Variants in WNK2 observed in about 807,000 individuals in gnomAD.
WNK2 encodes the protein serine/threonine-protein kinase WNK2.
WNK2 carries 67 observed loss-of-function variants against 192.1 expected under a neutral mutation model. That is an observed-to-expected ratio of 0.35 (90% confidence interval 0.29 to 0.43). WNK2 has a LOEUF of 0.43. Ranked by LOEUF, WNK2 falls within the 20% of genes least tolerant of loss-of-function variation. The pLI, the probability that WNK2 is intolerant of heterozygous loss-of-function variation, is 1.00. For synonymous variants in WNK2, 1,439 were observed against 1,393.9 expected, an observed-to-expected ratio of 1.03 and a Z score of -0.72; for missense variants, 2,698 against 3,089.7, an observed-to-expected ratio of 0.87 and a Z score of 3.01.
chr9:93,262,777 C>T, intron 14 of WNK2, 58 bp downstream of exon 14: 1 of 1,576,250 alleles, frequency 6.3e-7, no homozygotes, highest in African/African-American at 1.3e-5. Flanking sequence ...GCCTGTACAG[C>T]CACTCAGCCT....
intron 2 of WNK2, among the ~76,000 whole-genome samples, chr9:93,205,268 T>C (rs543715169): frequency 5.9e-5 from 9 of 152,304 alleles, no homozygotes; most frequent in African/African-American, 2.2e-4. Context: ...GTTCAGGGCA[T>C]CTGTCAGCAC....
chr9:93,185,566 C>A lies in WNK2; in HGVS notation c.637C>A (p.Leu213Met). The change falls in exon 2 of 30, where the codon CTG becomes ATG. Residue 213 changes from leucine (L) to methionine (M), a missense_variant. This residue lies in a region of WNK2 where 230 missense variants were observed against 501.1 expected (regional missense o/e 0.46). Transcript: ENST00000427277. The stretch of plus-strand genomic sequence containing the variant: ...TTCCTTCAAGACGGTCTACAAGGGG[C>A]TGGACACGGAGACCTGGGTGGAGGT... ...RGSFKTVYKG[L>M]DTETWVEVAW... 6.2e-7 allele frequency: 1 copy of A among 1,612,830 alleles called. No homozygotes were observed. Among genetic ancestry groups the A allele is most frequent in the Admixed American group, 1.7e-5 (1 of 59,922 alleles).
chr9:93,262,226 C>T (rs1844394812), intron 13 of WNK2, 119 bp downstream of exon 13: 1 of 1,262,568 alleles, frequency 7.9e-7, no homozygotes, highest in Non-Finnish European at 1.1e-6. Context: ...GGGACAGCCA[C>T]CCAGGTTCTG....
intron 29 of WNK2, chr9:93,319,002 G>T: frequency 6.6e-7 from 1 of 1,511,578 alleles, no homozygotes; most frequent in South Asian, 1.3e-5. Flanking sequence ...TGATTATGCA[G>T]AATCTTCTGC....
chr9:93,219,378 G>A (rs1295857489), intron 2 of WNK2, among the ~76,000 whole-genome samples: 2 of 152,256 alleles, frequency 1.3e-5, no homozygotes, highest in African/African-American at 2.4e-5. Context: ...TGCACACAAG[G>A]ACAAATGCTC....
chr9:93,317,970 A>C, intron 29 of WNK2: 1 of 1,612,466 alleles, frequency 6.2e-7, no homozygotes, highest in Admixed American at 1.7e-5. Context: ...CGCGAGGGGG[A>C]CAGCGGGTGG....
intron 19 of WNK2, among the ~76,000 whole-genome samples, chr9:93,287,970 C>T (rs561450471): frequency 3.9e-5 from 6 of 152,140 alleles, no homozygotes; most frequent in Admixed American, 6.5e-5. Flanking sequence ...TGCTTGAGCC[C>T]GGGAGGCAGA....
chr9:93,274,538 A>G (rs10992696), intron 19 of WNK2, among the ~76,000 whole-genome samples: 46,956 of 145,258 alleles, frequency 0.32, 7,714 homozygotes, highest in South Asian at 0.53. Flanking sequence ...AAAAAAAAAA[A>G]GAAAAAAAAC....
chr9:93,230,327 C>T (rs1838546184), intron 3 of WNK2, among the ~76,000 whole-genome samples: 1 of 152,138 alleles, frequency 6.6e-6, no homozygotes, highest in Non-Finnish European at 1.5e-5. Context: ...GACCCTGCAG[C>T]CTTGGGCAGG....
At chr9:93,267,675 C>G in intron 16 of WNK2, 71 bp from the exon 17 acceptor site, 2 of 1,468,962 alleles carry the variant, frequency 1.4e-6, no homozygotes, top group Non-Finnish European at 1.8e-6. Flanking sequence ...AGACATCCGT[C>G]AATCCAGATG....
At position 93,263,134 on chromosome 9, in the gene WNK2, G is replaced by A. The variant is rs928395645; in HGVS notation, c.3410+415G>A. 2.6e-5 allele frequency: 10 copies of A among 379,040 alleles called. No homozygotes were observed. The East Asian group carries it at 5.3e-4, about 20-fold the overall frequency. The allele number at this position is 379,040 out of a possible 1,614,324, so 23.5% of individuals were successfully genotyped here. ...ACAGGTGTTTCAGGAAATGAACCGT[G>A]TCCTTATTTGAACTGTGACCATTTG... On this transcript the variant is annotated intron_variant, in intron 14 of 29. Coordinates refer to ENST00000427277, the MANE Select transcript of WNK2 (RefSeq NM_006648.4).
At chr9:93,276,550 TATG>T (rs756271746) in intron 19 of WNK2, among the ~76,000 whole-genome samples, 6 of 152,152 alleles carry the variant, frequency 3.9e-5, no homozygotes, top group Non-Finnish European at 8.8e-5. Flanking sequence ...ACACCAAAAG[TATG>T]ATGTATAAAA....
intron 9 of WNK2, 130 bp downstream of exon 9, chr9:93,253,212 T>A: frequency 1.2e-6 from 1 of 816,470 alleles, no homozygotes; most frequent in Admixed American, 4.3e-5. Flanking sequence ...AAGTGGCCTG[T>A]GGTCAGTGTC....
At chr9:93,275,805 A>G (rs1846773192) in intron 19 of WNK2, among the ~76,000 whole-genome samples, 1 of 152,248 alleles carries the variant, frequency 6.6e-6, no homozygotes, top group East Asian at 1.9e-4. Context: ...ATTTGTATAT[A>G]CTGGCAGTGA....
At chr9:93,200,764 C>T (rs553186371) in intron 2 of WNK2, among the ~76,000 whole-genome samples, 23 of 152,162 alleles carry the variant, frequency 1.5e-4, no homozygotes, top group African/African-American at 4.3e-4. Flanking sequence ...TCTGTACAGA[C>T]GGCCACCTGC....
Position 93,259,050 on chromosome 9 carries a change from C to G in WNK2, c.2502C>G (p.Phe834Leu). The G allele has an allele frequency of 6.2e-7, 1 of 1,613,074 alleles. No individual in the cohort carries two copies. The highest frequency in any genetic ancestry group is 8.5e-7 in the Non-Finnish European group (1 of 1,179,766). ...CTCCCGTGCCACCACCTCAGTATTTCTCTCCAGCCGTGATCTTGCCGAGCC... is the reference window on the plus strand; with the variant it reads ...CTCCCGTGCCACCACCTCAGTATTTGTCTCCAGCCGTGATCTTGCCGAGCC... ...TVPPVPPPQY[F>L]SPAVILPSLA... The change falls in exon 12 of 30, where the codon TTC becomes TTG. Residue 834 changes from phenylalanine (F) to leucine (L), a missense_variant. Transcript: ENST00000427277. This position sits in a 1 kb window ranked among gnomAD's most constrained non-coding sequence, Gnocchi z 4.8.
intron 21 of WNK2, among the ~76,000 whole-genome samples, chr9:93,290,992 G>T (rs534707528): frequency 6.6e-6 from 1 of 152,206 alleles, no homozygotes; most frequent in Non-Finnish European, 1.5e-5. Context: ...AAACCTCAGC[G>T]CACATCAGCC....
At chr9:93,294,468 G>A (rs1029064401) in intron 23 of WNK2, among the ~76,000 whole-genome samples, 1 of 152,164 alleles carries the variant, frequency 6.6e-6, no homozygotes, top group Non-Finnish European at 1.5e-5. Flanking sequence ...AGAACCTTTT[G>A]GGATAGAGGG....
At chr9:93,303,877 T>C (rs541533909) in intron 26 of WNK2, among the ~76,000 whole-genome samples, 2 of 152,342 alleles carry the variant, frequency 1.3e-5, no homozygotes, top group South Asian at 4.1e-4. Context: ...AAAGGGGTTT[T>C]GTCCCTGGAT....
Sources: gnomAD v4.1 joint callset for allele counts (sites outside exome capture counted in the v4.1 genomes callset) on GRCh38, gnomAD v4.1.1 for gene constraint, gnomAD v4.1.1 regional missense constraint, Gnocchi (gnomAD v3.1) non-coding constraint, MANE v1.5 for transcripts, NCBI Gene and HGNC (gene_info 2026-07-23, HGNC 2026-07-21) for gene names.